The following DZIP1 variants were observed in gnomAD, a reference collection of about 807,000 sequenced individuals.
DZIP1 encodes the protein cilium assembly protein DZIP1.
In DZIP1, 97 loss-of-function variants were observed where a neutral mutation model predicts 107.6. The observed-to-expected ratio is 0.90, with a 90% CI of 0.77 to 1.07. The LOEUF (loss-of-function observed/expected upper bound fraction) is 1.07, where lower values mean the gene tolerates loss of function less well. DZIP1 is among the 50% of genes least tolerant of loss of function. The pLI, the probability that DZIP1 is intolerant of heterozygous loss-of-function variation, is 0.00. For missense variants in DZIP1, 1,035 were observed against 1,063.6 expected, an observed-to-expected ratio of 0.97 and a Z score of 0.37; for synonymous variants, 390 against 386.4, an observed-to-expected ratio of 1.01 and a Z score of -0.11.
intron 8 of DZIP1, among the ~76,000 whole-genome samples, chr13:95,623,103 T>G (rs1337008139): frequency 6.6e-6 from 1 of 152,164 alleles, no homozygotes; most frequent in Non-Finnish European, 1.5e-5. Flanking sequence ...AAGAACTGAA[T>G]GCACCTGGTT....
At chr13:95,618,404 CTG>C (rs1020145696) in intron 10 of DZIP1, among the ~76,000 whole-genome samples, 6 of 152,076 alleles carry the variant, frequency 3.9e-5, no homozygotes, top group African/African-American at 1.4e-4. Context: ...GGGTGTATGT[CTG>C]TGTATTATCA....
At chr13:95,590,581 A>T in intron 16 of DZIP1, 140 bp from the exon 17 acceptor site, 1 of 768,536 alleles carries the variant, frequency 1.3e-6, no homozygotes, top group Non-Finnish European at 2.0e-6. Context: ...GTGCCCCAAC[A>T]AGTAACACAC....
chr13:95,619,483 T>C (rs926094937), intron 10 of DZIP1, among the ~76,000 whole-genome samples: 3 of 152,216 alleles, frequency 2.0e-5, no homozygotes, highest in Non-Finnish European at 4.4e-5. Flanking sequence ...CCATTTAAGT[T>C]TAGTAGTAAA....
At chr13:95,589,660 T>TGGCATCCTGATCTTGGACTTTC in intron 18 of DZIP1, 143 bp downstream of exon 18, 1 of 1,094,558 alleles carries the variant, frequency 9.1e-7, no homozygotes, top group Non-Finnish European at 1.3e-6. Flanking sequence ...CTGACTATAC[T>TGGCATCCTGATCTTGGACTTTC]GGCATCCTGA....
At chr13:95,611,916 G>A (rs2045020072) in intron 11 of DZIP1, 121 bp downstream of exon 11, 1 of 1,268,380 alleles carries the variant, frequency 7.9e-7, no homozygotes, top group East Asian at 2.5e-5. Context: ...AATCACAAGG[G>A]GAAAAATATT....
rs748585012 is a variant in DZIP1, at chr13:95,619,942, G to C, written c.1116C>G (p.Ser372Arg). 6.2e-7 allele frequency: 1 copy of C among 1,613,508 alleles called. No individual in the cohort carries two copies. ...TAGCTTGAACTCGAGCTGTCCATTT[G>C]CTTTCCTACAAAAGAATAAAAGAAT... ...NVMQLLDSQE[S>R]KWTARVQAIH... Residue 372 changes from serine (S) to arginine (R), a missense_variant, in exon 10 of 23, where the codon AGC becomes AGG. Transcript: ENST00000376829.
intron 22 of DZIP1, among the ~76,000 whole-genome samples, chr13:95,583,598 T>C (rs1013722579): frequency 6.6e-6 from 1 of 152,154 alleles, no homozygotes; most frequent in African/African-American, 2.4e-5. Context: ...AGGCTCTAGA[T>C]TGGGGGATAT....
At chr13:95,594,670 T>C (rs2044396425) in intron 15 of DZIP1, among the ~76,000 whole-genome samples, 1 of 152,096 alleles carries the variant, frequency 6.6e-6, no homozygotes, top group Non-Finnish European at 1.5e-5. Context: ...TTTCAAAGTT[T>C]TTTAGTTACT....
At chr13:95,633,518 A>C (rs1226823709) in intron 5 of DZIP1, among the ~76,000 whole-genome samples, 197 bp from the exon 6 acceptor site, 1 of 151,758 alleles carries the variant, frequency 6.6e-6, no homozygotes, top group Non-Finnish European at 1.5e-5. Flanking sequence ...CCCCATCTCC[A>C]CAAAAAAATA....
intron 7 of DZIP1, among the ~76,000 whole-genome samples, chr13:95,625,318 C>G (rs1446822942): frequency 6.6e-6 from 1 of 152,124 alleles, no homozygotes; most frequent in African/African-American, 2.4e-5. Context: ...TCATCCCACC[C>G]CCAGAAAATA....
chr13:95,619,428 A>C (rs1164815210), intron 10 of DZIP1, among the ~76,000 whole-genome samples: 1 of 152,194 alleles, frequency 6.6e-6, no homozygotes, highest in East Asian at 1.9e-4. Flanking sequence ...ACCTACTCTT[A>C]ATCAGTGGTG....
chr13:95,613,584 T>C (rs1484969889), intron 10 of DZIP1, among the ~76,000 whole-genome samples: 1 of 152,002 alleles, frequency 6.6e-6, no homozygotes, highest in Non-Finnish European at 1.5e-5. Context: ...TGACAGGGTA[T>C]CCTGATCAAA....
chr13:95,610,624 T>A (rs1228934732), intron 12 of DZIP1, among the ~76,000 whole-genome samples: 1 of 152,124 alleles, frequency 6.6e-6, no homozygotes, highest in Non-Finnish European at 1.5e-5. Flanking sequence ...GAGCTTAATA[T>A]CAATAATAAT....
Position 95,578,294 on chromosome 13 carries a change from G to T in DZIP1, c.*3940C>A, listed in dbSNP as rs557381286. ...ACATGAAAAGCATTTAGTACCAAAGGTTCAAGAAGTATTCGTACTCTAGCC... is the reference window on the plus strand; with the variant it reads ...ACATGAAAAGCATTTAGTACCAAAGTTTCAAGAAGTATTCGTACTCTAGCC... On this transcript the variant is annotated 3_prime_UTR_variant, in exon 23 of 23. Transcript: ENST00000376829. 1 of 227,814 alleles carries T rather than the reference G, an allele frequency of 4.4e-6. No homozygotes were observed. The highest frequency in any genetic ancestry group is 5.5e-5 in the Admixed American group (1 of 18,330). The allele number at this position is 227,814 out of a possible 1,614,324, so 14.1% of individuals were successfully genotyped here.
rs756269160 is a variant in DZIP1, at chr13:95,584,909, C to A, written c.2351G>T (p.Cys784Phe). Residue 784 changes from cysteine (C) to phenylalanine (F), a missense_variant and splice_region_variant, in exon 22 of 23, where the codon TGT (cysteine) becomes TTT (phenylalanine). By Grantham distance (205) the Cys-to-Phe change is radical. Transcript: ENST00000376829. ...CCAGTCTTCATCCTCCACATCCGCA[C>A]ACTAAAAGAAAGGCATGGAGAATAA... Reference protein sequence around the residue: ...IKKEELQELKCADVEDEDWDI... With the variant: ...IKKEELQELKFADVEDEDWDI... The A allele has an allele frequency of 1.2e-6, 2 of 1,607,330 alleles. No homozygotes were observed. Among genetic ancestry groups the A allele is most frequent in the East Asian group, 2.2e-5 (1 of 44,798 alleles).
At chr13:95,597,091 A>G (rs1311055638) in intron 15 of DZIP1, among the ~76,000 whole-genome samples, 1 of 152,184 alleles carries the variant, frequency 6.6e-6, no homozygotes, top group Non-Finnish European at 1.5e-5. Flanking sequence ...GCAGCACCCA[A>G]TGGTGGTGTT....
chr13:95,597,433 C>T (rs2044488155), intron 15 of DZIP1, among the ~76,000 whole-genome samples: 1 of 152,124 alleles, frequency 6.6e-6, no homozygotes, highest in Admixed American at 6.5e-5. Context: ...TACTTGCAAG[C>T]AAAATGATGT....
Position 95,643,027 on chromosome 13 carries a change from G to T in DZIP1, c.-213+16C>A, listed in dbSNP as rs1238613779. The T allele has an allele frequency of 6.6e-6, 1 of 152,180 alleles. No individual in the cohort carries two copies. The highest frequency in any genetic ancestry group is 1.5e-5 in the Non-Finnish European group (1 of 68,048). The allele number at this position is 152,180 out of a possible 1,614,324, so 9.4% of individuals were successfully genotyped here. ...ATCAGCTTTACCAACAAGTTTTACA[G>T]GGCCATGGTATTTACCTTACAAACT... On this transcript the variant is annotated intron_variant, in intron 3 of 22. Transcript: ENST00000376829.
intron 8 of DZIP1, 143 bp downstream of exon 8, chr13:95,624,625 T>G (rs964554622): frequency 7.8e-6 from 6 of 766,908 alleles, no homozygotes; most frequent in Non-Finnish European, 1.3e-5. Context: ...GTCTCCTCTA[T>G]GCCTCCCTCA....
Sources: gnomAD v4.1 joint callset for allele counts (sites outside exome capture counted in the v4.1 genomes callset) on GRCh38, gnomAD v4.1.1 for gene constraint, MANE v1.5 for transcripts, NCBI Gene and HGNC (gene_info 2026-07-23, HGNC 2026-07-21) for gene names.